MYL2: variants seen among roughly 807,000 people sequenced by gnomAD.
The protein encoded by MYL2 is myosin regulatory light chain 2, ventricular/cardiac muscle isoform.
MYL2 carries 19 observed loss-of-function variants against 23.0 expected under a neutral mutation model. The observed-to-expected ratio is 0.83, with a 90% CI of 0.58 to 1.21. The LOEUF (loss-of-function observed/expected upper bound fraction) is 1.21. Among genes scored for constraint, MYL2 ranks in the 50% most tolerant of loss-of-function variants. MYL2 has a pLI of 0.00. For missense variants in MYL2, 180 were observed against 215.1 expected, an observed-to-expected ratio of 0.84 and a Z score of 1.02; for synonymous variants, 78 against 76.2, an observed-to-expected ratio of 1.02 and a Z score of -0.13.
intron 2 of MYL2, among the ~76,000 whole-genome samples, chr12:110,917,993 A>G (rs2136776318): frequency 6.6e-6 from 1 of 152,146 alleles, no homozygotes; most frequent in East Asian, 1.9e-4. Flanking sequence ...CTGAGGTGGG[A>G]GGATTGATTA....
At chr12:110,912,483 C>T (rs1236151597) in intron 6 of MYL2, among the ~76,000 whole-genome samples, 5 of 152,244 alleles carry the variant, frequency 3.3e-5, no homozygotes, top group Non-Finnish European at 7.3e-5. Context: ...GGTCTCTATG[C>T]ATCGTGAGCA....
chr12:110,919,250 T>A (rs2071705540), intron 1 of MYL2, 57 bp from the exon 2 acceptor site: 1 of 1,455,586 alleles, frequency 6.9e-7, no homozygotes, highest in Admixed American at 1.8e-5. Flanking sequence ...AAAAACTAGG[T>A]CAGGCCCCTA....
chr12:110,918,921 CA>C lies in MYL2; in HGVS notation c.93+182del. 1.7e-6 allele frequency: 1 copy of C among 592,342 alleles called. No homozygotes were observed. Among genetic ancestry groups the C allele is most frequent in the Middle Eastern group, 4.4e-4 (1 of 2,284 alleles). 36.7% of individuals were successfully genotyped at this position (592,342 alleles called of 1,614,324 possible). ...ATGGAATATGTTTTACTTTGATAAT[CA>C]GTGAAAATATTAAAAATAGTTTCTT... On this transcript the variant is annotated intron_variant, in intron 2 of 6. Coordinates refer to ENST00000228841, the MANE Select transcript of MYL2 (RefSeq NM_000432.4). This position sits in a 1 kb window ranked among gnomAD's most constrained non-coding sequence, Gnocchi z 4.4.
rs370643759 is a variant in MYL2, at chr12:110,920,572, C to G, written c.-43G>C. The G allele has an allele frequency of 3.8e-5, 61 of 1,614,022 alleles. No individual in the cohort carries two copies. Among genetic ancestry groups the G allele is most frequent in the Admixed American group, 1.5e-4 (9 of 60,004 alleles). On this transcript the variant is annotated 5_prime_UTR_variant, in exon 1 of 7. Coordinates refer to ENST00000228841, the MANE Select transcript of MYL2 (RefSeq NM_000432.4). ...ACTGCCTCCCGAGAAGAATTCCACA[C>G]TCCGCCCAGCTCTCTGCAGCCCAGG...
intron 1 of MYL2, among the ~76,000 whole-genome samples, chr12:110,919,804 A>G (rs1389472063): frequency 1.3e-5 from 2 of 152,164 alleles, no homozygotes. Flanking sequence ...CTGACTTTCA[A>G]TAACAGCAAA....
chr12:110,913,073 G>T (rs781412206), intron 6 of MYL2, 23 bp downstream of exon 6: 12 of 1,613,932 alleles, frequency 7.4e-6, no homozygotes, highest in Non-Finnish European at 1.0e-5. Flanking sequence ...GGGTTAGAGG[G>T]AGTGCTTGAA....
In MYL2 at chr12:110,920,543, C is replaced by G. The variant is rs371022137; in HGVS notation, c.-14G>C. On this transcript the variant is annotated 5_prime_UTR_variant, in exon 1 of 7. Transcript: ENST00000228841. Reference sequence around the variant, plus strand: ...TGTACTCACCATGGTGGAAAGGACCCAGCACTGCCTCCCGAGAAGAATTCC... The same window carrying G: ...TGTACTCACCATGGTGGAAAGGACCGAGCACTGCCTCCCGAGAAGAATTCC... The G allele has an allele frequency of 6.2e-7, 1 of 1,614,056 alleles. No individual in the cohort carries two copies. Among genetic ancestry groups the G allele is most frequent in the Non-Finnish European group, 8.5e-7 (1 of 1,180,050 alleles).
rs1566148758 is a variant in MYL2, at chr12:110,914,309, A to AGTGCGCAGT, written c.170-20_170-19insACTGCGCAC. On this transcript the variant is annotated intron_variant, in intron 3 of 6. Coordinates refer to ENST00000228841, the MANE Select transcript of MYL2 (RefSeq NM_000432.4). The stretch of plus-strand genomic sequence containing the variant: ...ACTCGCCCTAGGGTAGGAAACACAC[A>AGTGCGCAGT]CTCAGGGACTCCGAGCTGGGGAGAA... The AGTGCGCAGT allele has an allele frequency of 6.4e-7, 1 of 1,558,926 alleles. No homozygotes were observed. Among genetic ancestry groups the AGTGCGCAGT allele is most frequent in the South Asian group, 1.1e-5 (1 of 89,966 alleles).
rs756245911 is a variant in MYL2 at position 110,919,200 on chromosome 12, GA to G, written c.4-8del. The G allele has an allele frequency of 2.5e-6, 4 of 1,611,786 alleles. No individual in the cohort carries two copies. Among genetic ancestry groups the G allele is most frequent in the East Asian group, 2.2e-5 (1 of 44,868 alleles). On this transcript the variant is annotated splice_polypyrimidine_tract_variant and splice_region_variant and intron_variant, in intron 1 of 6. Coordinates refer to ENST00000228841, the MANE Select transcript of MYL2 (RefSeq NM_000432.4). Reference sequence around the variant, plus strand: ...TCTTTGCTTTCTTAGGTGCCTGGGGGAAAAAAGCATCGATTAAAAGAGTGAG... The same window carrying G: ...TCTTTGCTTTCTTAGGTGCCTGGGGGAAAAAGCATCGATTAAAAGAGTGAG...
At chr12:110,920,615 C>T (rs763143684), upstream of MYL2, 1 of 1,603,114 alleles carries the variant, frequency 6.2e-7, no homozygotes, top group Non-Finnish European at 8.5e-7. Context: ...AATACTTCCT[C>T]CCCATGTTTA....
rs199474813 is a variant in MYL2 at position 110,911,176 on chromosome 12, C to G, written c.403-1G>C. ...GGAAGGCGGCGAACATCTGGTCAAC[C>G]TGCAATGAGCCAGCAACACGTGCTA... On this transcript the variant is annotated splice_acceptor_variant, in intron 6 of 6. Transcript: ENST00000228841. LOFTEE classifies it high-confidence loss of function. 3.1e-5 allele frequency: 50 copies of G among 1,606,146 alleles called. No individual in the cohort carries two copies. The highest frequency in any genetic ancestry group is 6.8e-5 in the East Asian group (3 of 44,440).
At position 110,918,646 on chromosome 12, in the gene MYL2, TA is replaced by T. The variant is rs1410176025; in HGVS notation, c.93+457del. On this transcript the variant is annotated intron_variant, in intron 2 of 6. Coordinates refer to ENST00000228841, the MANE Select transcript of MYL2 (RefSeq NM_000432.4). This position sits in a 1 kb window ranked among gnomAD's most constrained non-coding sequence, Gnocchi z 4.4. ...AAACATTATAAACAAATGTCATATT[TA>T]ACCATAGGAAATGGTTTAAATACAT... Among the ~76,000 whole-genome samples, 1 of 152,192 alleles carries T rather than the reference TA, an allele frequency of 6.6e-6. No homozygotes were observed. The highest frequency in any genetic ancestry group is 1.5e-5 in the Non-Finnish European group (1 of 68,044).
upstream of MYL2, among the ~76,000 whole-genome samples, chr12:110,921,197 G>A (rs117903410): frequency 0.018 from 2,691 of 151,950 alleles, 40 homozygotes; most frequent in Middle Eastern, 0.058. Flanking sequence ...CTGTCTCTAC[G>A]CAAAAGAAAA....
intron 5 of MYL2, 42 bp downstream of exon 5, chr12:110,913,204 G>C: frequency 6.2e-7 from 1 of 1,607,488 alleles, no homozygotes; most frequent in South Asian, 1.1e-5. Flanking sequence ...GGGACAGGGG[G>C]CAAGCAGGGA....
rs375675007 is a variant in MYL2, at chr12:110,920,485, C to T, written c.3+42G>A. ...CTCGCTTGTAGTGGCTTCCTCTCCT[C>T]GCCCACCCGGCATCATCACCTCCTG... On this transcript the variant is annotated intron_variant, in intron 1 of 6. Transcript: ENST00000228841. The T allele has an allele frequency of 3.9e-5, 63 of 1,613,842 alleles. 1 individual carries two copies. Among genetic ancestry groups the T allele is most frequent in the Middle Eastern group, 1.6e-4 (1 of 6,084 alleles).
At position 110,918,930 on chromosome 12, in the gene MYL2, T is replaced by C. The variant is rs2071702593; in HGVS notation, c.93+174A>G. ...GTTTTACTTTGATAATCAGTGAAAA[T>C]ATTAAAAATAGTTTCTTTTAAAAAT... On this transcript the variant is annotated intron_variant, in intron 2 of 6. Transcript: ENST00000228841. The surrounding 1 kb of genome is among the most constrained non-coding windows in gnomAD (Gnocchi z 4.4). 1 of 630,656 alleles carries C rather than the reference T, an allele frequency of 1.6e-6. No individual in the cohort carries two copies. The highest frequency in any genetic ancestry group is 1.9e-5 in the South Asian group (1 of 51,488). 39.1% of individuals were successfully genotyped at this position (630,656 alleles called of 1,614,324 possible).
chr12:110,920,194 G>C (rs912940808), intron 1 of MYL2, among the ~76,000 whole-genome samples: 1 of 152,188 alleles, frequency 6.6e-6, no homozygotes, highest in Non-Finnish European at 1.5e-5. Flanking sequence ...GCCTGAACAA[G>C]AGAAAAGAAT....
At chr12:110,921,396 G>A (rs957481469), upstream of MYL2, among the ~76,000 whole-genome samples, 3 of 152,110 alleles carry the variant, frequency 2.0e-5, no homozygotes, top group Non-Finnish European at 2.9e-5. Context: ...CACCTCCTGC[G>A]CTCCGATCTC....
intron 3 of MYL2, 59 bp from the exon 4 acceptor site, chr12:110,914,349 A>G: frequency 2.5e-6 from 3 of 1,196,174 alleles, no homozygotes; most frequent in Non-Finnish European, 3.7e-6. Context: ...CCATTATGAC[A>G]CTGCCATTGG....
Sources: gnomAD v4.1 joint callset for allele counts (sites outside exome capture counted in the v4.1 genomes callset) on GRCh38, gnomAD v4.1.1 for gene constraint, Gnocchi (gnomAD v3.1) non-coding constraint, MANE v1.5 for transcripts, NCBI Gene and HGNC (gene_info 2026-07-23, HGNC 2026-07-21) for gene names.